ADGRL3: variants seen among roughly 807,000 people sequenced by gnomAD.
ADGRL3 encodes calcium-independent alpha-latrotoxin receptor 3.
A neutral mutation model predicts 153.5 loss-of-function variants in ADGRL3; 62 were observed. The observed-to-expected ratio is 0.40, with a 90% CI of 0.33 to 0.50. The LOEUF (loss-of-function observed/expected upper bound fraction) is 0.50. ADGRL3 is among the 20% of genes least tolerant of loss of function. ADGRL3 has a pLI of 0.47. For missense variants in ADGRL3, 1,641 were observed against 1,859.4 expected, an observed-to-expected ratio of 0.88 and a Z score of 2.16; for synonymous variants, 710 against 672.5, an observed-to-expected ratio of 1.06 and a Z score of -0.86.
chr4:61,766,563 G>T (rs1340385818), intron 8 of ADGRL3, among the ~76,000 whole-genome samples: 1 of 152,072 alleles, frequency 6.6e-6, no homozygotes, highest in Non-Finnish European at 1.5e-5. Flanking sequence ...GACACGATTG[G>T]CAGGGAGAGC....
rs770753009 is a variant in ADGRL3 at position 61,733,251 on chromosome 4, G to A, written c.1096G>A (p.Glu366Lys). ...ATTGAACCCTTACACCCTACGGATC[G>A]AAGGAACATGGGATACTGCATATGA... ...SQLNPYTLRI[E>K]GTWDTAYDKR... Residue 366 changes from glutamate (E) to lysine (K), a missense_variant, in exon 8 of 27, where the codon GAA (glutamate) becomes AAA (lysine). By Grantham distance (56) the Glu-to-Lys change is moderately conservative. Transcript: ENST00000683033. 8.7e-6 allele frequency: 14 copies of A among 1,613,542 alleles called. No individual in the cohort carries two copies. The highest frequency in any genetic ancestry group is 2.2e-5 in the East Asian group (1 of 44,878).
chr4:61,497,682 A>AT (rs71211389), intron 3 of ADGRL3, among the ~76,000 whole-genome samples: 102,832 of 138,886 alleles, frequency 0.74, 39,493 homozygotes, highest in East Asian at 0.9. Context: ...CGCCTGGCTA[A>AT]TTTTTTTTTT....
At chr4:62,050,052 A>G (rs1321539834) in intron 25 of ADGRL3, among the ~76,000 whole-genome samples, 2 of 152,188 alleles carry the variant, frequency 1.3e-5, no homozygotes, top group African/African-American at 4.8e-5. Flanking sequence ...ATCATTCACT[A>G]CCGAAGTTTT....
chr4:61,766,840 T>A (rs1283771287), intron 8 of ADGRL3, among the ~76,000 whole-genome samples: 4 of 152,004 alleles, frequency 2.6e-5, no homozygotes, highest in African/African-American at 9.7e-5. Context: ...GGAGAGTATA[T>A]GGGTTTGGCA....
chr4:61,980,501 A>G (rs1437021449), intron 18 of ADGRL3, among the ~76,000 whole-genome samples: 3 of 151,504 alleles, frequency 2.0e-5, no homozygotes, highest in Non-Finnish European at 1.5e-5. Flanking sequence ...GTGCAATGGC[A>G]TGATCCTGGC....
Position 61,205,482 on chromosome 4 carries a change from T to A in ADGRL3, c.-240+3717T>A, listed in dbSNP as rs375031360. Among the ~76,000 whole-genome samples the A allele has an allele frequency of 1.8e-4, 28 of 152,320 alleles. No individual in the cohort carries two copies. The South Asian group carries it at 4.8e-3, about 26-fold the overall frequency. ...CTATTTTGCCTTCTCTTTCCTAGAT[T>A]TGCATTATATTCAAAATATGCATTT... On this transcript the variant is annotated intron_variant, in intron 1 of 26. Coordinates refer to ENST00000683033, the MANE Select transcript of ADGRL3 (RefSeq NM_001387552.1).
intron 1 of ADGRL3, among the ~76,000 whole-genome samples, chr4:61,284,227 T>G (rs116519965): frequency 5.3e-5 from 8 of 151,984 alleles, no homozygotes; most frequent in African/African-American, 1.9e-4. Flanking sequence ...AGGTGAGAGA[T>G]ACCTTTGACT....
chr4:61,251,809 T>G (rs567664009), intron 1 of ADGRL3, among the ~76,000 whole-genome samples: 1 of 151,730 alleles, frequency 6.6e-6, no homozygotes, highest in South Asian at 2.1e-4. Flanking sequence ...TAAAAGTCAT[T>G]GTGATCCTCA....
intron 25 of ADGRL3, among the ~76,000 whole-genome samples, chr4:62,057,828 C>A (rs1737889430): frequency 6.6e-6 from 1 of 152,054 alleles, no homozygotes; most frequent in East Asian, 1.9e-4. Context: ...CAGGCACACT[C>A]CGCCACGCCT....
chr4:61,954,755 A>G (rs1389558182), intron 17 of ADGRL3, among the ~76,000 whole-genome samples: 2 of 152,114 alleles, frequency 1.3e-5, no homozygotes, highest in African/African-American at 2.4e-5. Context: ...GCGCTTGCCA[A>G]GATTTCTCAT....
At chr4:61,645,510 A>G (rs1251993501) in intron 5 of ADGRL3, among the ~76,000 whole-genome samples, 34 of 151,596 alleles carry the variant, frequency 2.2e-4, no homozygotes, top group African/African-American at 7.5e-4. Flanking sequence ...GCATTTGCTT[A>G]TCTGTAAAGT....
chr4:61,516,052 G>T (rs1357632822), intron 3 of ADGRL3, among the ~76,000 whole-genome samples: 5 of 152,040 alleles, frequency 3.3e-5, no homozygotes, highest in African/African-American at 1.2e-4. Context: ...AAATAAAAAT[G>T]TTTCGGGGCA....
intron 17 of ADGRL3, among the ~76,000 whole-genome samples, chr4:61,964,713 G>C (rs1179313214): frequency 6.6e-6 from 1 of 151,816 alleles, no homozygotes; most frequent in East Asian, 1.9e-4. Context: ...TTCTTCATTA[G>C]TGAAATGATT....
Position 62,068,195 on chromosome 4 carries a change from A to G in ADGRL3, c.3832+12A>G, listed in dbSNP as rs754179123. On this transcript the variant is annotated intron_variant, in intron 26 of 26. Coordinates refer to ENST00000683033, the MANE Select transcript of ADGRL3 (RefSeq NM_001387552.1). Reference sequence around the variant, plus strand: ...CTACAGAGAGACAAGTATGGGAGTAAAGCTAAACATTGCATATCAAATGTA... The same window carrying G: ...CTACAGAGAGACAAGTATGGGAGTAGAGCTAAACATTGCATATCAAATGTA... 1 of 1,587,614 alleles carries G rather than the reference A, an allele frequency of 6.3e-7. No homozygotes were observed. Among genetic ancestry groups the G allele is most frequent in the East Asian group, 2.3e-5 (1 of 44,306 alleles).
At chr4:61,711,409 A>G (rs1426125034) in intron 6 of ADGRL3, among the ~76,000 whole-genome samples, 2 of 145,404 alleles carry the variant, frequency 1.4e-5, no homozygotes, top group African/African-American at 5.1e-5. Context: ...CCAATTGGCA[A>G]CAGAGGACCT....
At chr4:61,310,207 C>G (rs986245876) in intron 1 of ADGRL3, among the ~76,000 whole-genome samples, 1 of 151,714 alleles carries the variant, frequency 6.6e-6, no homozygotes, top group African/African-American at 2.4e-5. Context: ...TTTATTTCCC[C>G]TAGCTGAAAC....
intron 21 of ADGRL3, among the ~76,000 whole-genome samples, chr4:62,007,457 CAT>C (rs1287283695): frequency 2.9e-5 from 3 of 103,734 alleles, no homozygotes; most frequent in Non-Finnish European, 5.7e-5. Context: ...CATATATATA[CAT>C]ATATGTGTGT....
chr4:61,216,478 T>G (rs1742825467), intron 1 of ADGRL3, among the ~76,000 whole-genome samples: 1 of 152,170 alleles, frequency 6.6e-6, no homozygotes, highest in East Asian at 1.9e-4. Context: ...AAAGCAGAAG[T>G]GTATACCTTG....
intron 8 of ADGRL3, among the ~76,000 whole-genome samples, chr4:61,776,220 C>A (rs1016128625): frequency 6.6e-6 from 1 of 152,140 alleles, no homozygotes; most frequent in African/African-American, 2.4e-5. Context: ...ATCTTAAACG[C>A]ACCCAAGCCT....
Sources: allele counts gnomAD v4.1 joint callset (sites outside exome capture counted in the v4.1 genomes callset), GRCh38; gene constraint gnomAD v4.1.1; transcripts MANE v1.5; gene names NCBI Gene and HGNC (gene_info 2026-07-23, HGNC 2026-07-21).